The following NNT variants were observed in gnomAD, a reference collection of about 807,000 sequenced individuals.
The protein encoded by NNT is NAD(P) transhydrogenase, mitochondrial.
Under a neutral mutation model 104.8 loss-of-function variants are expected in NNT, and 50 were observed. The observed-to-expected ratio is 0.48, with a 90% confidence interval of 0.38 to 0.60. The LOEUF is 0.60. Ranked by LOEUF, NNT falls within the 20% of genes least tolerant of loss-of-function variation. The pLI, the probability that NNT is intolerant of heterozygous loss-of-function variation, is 0.00. For synonymous variants in NNT, 461 were observed against 490.4 expected (o/e 0.94, Z 0.79); for missense variants, 1,131 against 1,330.7 (o/e 0.85, Z 2.33).
intron 19 of NNT, among the ~76,000 whole-genome samples, chr5:43,678,406 C>T (rs1038516108): frequency 6.6e-6 from 1 of 152,194 alleles, no homozygotes; most frequent in African/African-American, 2.4e-5. Flanking sequence ...CTTAGTCTTA[C>T]TATTTAGATT....
rs767844990 is a variant in NNT, at chr5:43,704,403, A to G, written c.3260A>G (p.Ter1087=). ...QAKVRESYQK[*] is the part of the protein sequence containing the mutation. ...AAAGTTAGAGAATCCTATCAGAAGT[A>G]AATATTAAGGATCAAGCTGTTAGCT... The change falls in exon 22 of 22, where the codon TAA becomes TGA. Residue 1087 remains the stop codon, a stop_retained_variant. Transcript: ENST00000344920. 5.0e-6 allele frequency: 8 copies of G among 1,613,436 alleles called. No individual in the cohort carries two copies. Among genetic ancestry groups the G allele is most frequent in the Non-Finnish European group, 6.8e-6 (8 of 1,179,614 alleles).
chr5:43,657,105 G>A (rs1178851118), intron 16 of NNT, among the ~76,000 whole-genome samples: 1 of 152,162 alleles, frequency 6.6e-6, no homozygotes, highest in Non-Finnish European at 1.5e-5. Flanking sequence ...AGCTTAAAAA[G>A]GCCAAGGGTT....
At chr5:43,642,705 G>C (rs1035543072) in intron 7 of NNT, among the ~76,000 whole-genome samples, 1 of 152,198 alleles carries the variant, frequency 6.6e-6, no homozygotes, top group Non-Finnish European at 1.5e-5. Flanking sequence ...AGTCCCAGGA[G>C]CCTTAGGATT....
chr5:43,604,439 T>C (rs1167683367), intron 1 of NNT, among the ~76,000 whole-genome samples: 3 of 152,220 alleles, frequency 2.0e-5, no homozygotes, highest in African/African-American at 7.2e-5. Flanking sequence ...ACCTTGGTGA[T>C]AGAATCAGTT....
In NNT at chr5:43,653,057, T is replaced by C. The variant is rs766248282; in HGVS notation, c.1903T>C (p.Leu635=). The part of the protein sequence containing the change: ...LGSGLCCVGA[L]AGLSTQGTAR... ...CTCGGGTTTGTGCTGTGTCGGTGCC[T>C]TGGCTGGCCTCTCCACCCAGGGAAC... The change falls in exon 14 of 22, where the codon TTG becomes CTG. Residue 635 remains leucine, a synonymous_variant. Coordinates refer to ENST00000344920, the MANE Select transcript of NNT (RefSeq NM_182977.3). The C allele has an allele frequency of 1.9e-6, 3 of 1,614,136 alleles. No homozygotes were observed. The highest frequency in any genetic ancestry group is 1.7e-6 in the Non-Finnish European group (2 of 1,179,982).
At chr5:43,670,095 G>T (rs1262873996) in intron 17 of NNT, among the ~76,000 whole-genome samples, 4 of 152,062 alleles carry the variant, frequency 2.6e-5, no homozygotes, top group Admixed American at 2.6e-4. Context: ...TTCTCTGATG[G>T]TAGTTTGTAT....
At chr5:43,622,691 A>G (rs1166575243) in intron 5 of NNT, among the ~76,000 whole-genome samples, 1 of 152,254 alleles carries the variant, frequency 6.6e-6, no homozygotes. Flanking sequence ...GCAGATGATA[A>G]GCAGCTTGCC....
chr5:43,627,533 A>G (rs1370740969), intron 6 of NNT, among the ~76,000 whole-genome samples: 1 of 152,152 alleles, frequency 6.6e-6, no homozygotes, highest in Non-Finnish European at 1.5e-5. Context: ...GATGAGTTAC[A>G]TGCACGTCCA....
chr5:43,668,411 A>G (rs915184079), intron 17 of NNT, among the ~76,000 whole-genome samples: 2 of 152,062 alleles, frequency 1.3e-5, no homozygotes, highest in African/African-American at 4.8e-5. Context: ...TTATGATTTT[A>G]GGTCTAACAT....
chr5:43,619,171 G>T, intron 5 of NNT, 52 bp downstream of exon 5: 1 of 1,027,766 alleles, frequency 9.7e-7, no homozygotes, highest in South Asian at 2.2e-5. Context: ...TAAAGGAAAG[G>T]GTATGTATAG....
intron 19 of NNT, among the ~76,000 whole-genome samples, chr5:43,682,814 C>T (rs1034343686): frequency 6.6e-6 from 1 of 152,212 alleles, no homozygotes; most frequent in Non-Finnish European, 1.5e-5. Flanking sequence ...ATATACTACT[C>T]TTTCCTAAGC....
intron 17 of NNT, 97 bp from the exon 18 acceptor site, chr5:43,675,413 CT>C (rs1473970560): frequency 9.1e-7 from 1 of 1,104,630 alleles, no homozygotes; most frequent in African/African-American, 1.6e-5. Context: ...TCAAATAAAC[CT>C]TTTAAAATGA....
chr5:43,659,770 C>T (rs1231443181), intron 17 of NNT, among the ~76,000 whole-genome samples: 1 of 152,020 alleles, frequency 6.6e-6, no homozygotes, highest in Admixed American at 6.6e-5. Flanking sequence ...TTCTCTTCAG[C>T]AGACATAGCA....
At chr5:43,628,498 G>T in intron 7 of NNT, 111 bp downstream of exon 7, 1 of 737,468 alleles carries the variant, frequency 1.4e-6, no homozygotes, top group Non-Finnish European at 2.0e-6. Flanking sequence ...GAAGGATCTA[G>T]TACTTTCTAT....
Position 43,649,925 on chromosome 5 carries a change from C to G in NNT, c.1607-552C>G, listed in dbSNP as rs376690114. 3.9e-5 allele frequency among the ~76,000 whole-genome samples: 6 copies of G among 152,332 alleles called. No individual in the cohort carries two copies. In the East Asian group the frequency reaches 5.8e-4, roughly 15 times the overall value. ...ACATTGGACAAGCATAGGAGCTGTC[C>G]TGGCTTGAAAGCCTCAGGGCCAATA... On this transcript the variant is annotated intron_variant, in intron 11 of 21. Coordinates refer to ENST00000344920, the MANE Select transcript of NNT (RefSeq NM_182977.3).
At chr5:43,655,260 G>T (rs1348276062) in intron 14 of NNT, among the ~76,000 whole-genome samples, 1 of 152,238 alleles carries the variant, frequency 6.6e-6, no homozygotes, top group Non-Finnish European at 1.5e-5. Context: ...GTGACGGGAA[G>T]AGGCACGCAT....
Position 43,666,707 on chromosome 5 carries a change from C to A in NNT, c.2634+7357C>A, listed in dbSNP as rs578240639. 1,974 of 983,082 alleles carry A rather than the reference C, an allele frequency of 2.0e-3. 8 individuals carry two copies. The highest frequency in any genetic ancestry group is 2.6e-3 in the Non-Finnish European group (1,741 of 669,326). 60.9% of individuals were successfully genotyped at this position (983,082 alleles called of 1,614,324 possible). On this transcript the variant is annotated intron_variant, in intron 17 of 21. Coordinates refer to ENST00000344920, the MANE Select transcript of NNT (RefSeq NM_182977.3). The stretch of plus-strand genomic sequence containing the variant: ...ACCCCAGCCCCATGCAGATGGTAGC[C>A]CAGGGACGGGGGTGGGGGGTCGCAC...
chr5:43,613,253 A>G lies in NNT; in HGVS notation c.381+116A>G, dbSNP rs1272397786. On this transcript the variant is annotated intron_variant, in intron 3 of 21. Transcript: ENST00000344920. The stretch of plus-strand genomic sequence containing the variant: ...ACCTTTTCCTATTTTCAAACAGTGT[A>G]TTTTTCTCAAAGAAATGACTGCATG... 4 of 790,442 alleles carry G rather than the reference A, an allele frequency of 5.1e-6. No individual in the cohort carries two copies. The African/African-American group carries it at 5.2e-5, about 10-fold the overall frequency. The allele number at this position is 790,442 out of a possible 1,614,324, so 49.0% of individuals were successfully genotyped here. A position where few individuals can be genotyped will look rare whatever the true frequency, so the allele number is the denominator to read the frequency against.
chr5:43,680,040 A>T (rs1264575805), intron 19 of NNT, among the ~76,000 whole-genome samples: 1 of 151,976 alleles, frequency 6.6e-6, no homozygotes, highest in Non-Finnish European at 1.5e-5. Flanking sequence ...AATTTTCAAC[A>T]TGAACTTTGT....
Sources: gnomAD v4.1 joint callset for allele counts (sites outside exome capture counted in the v4.1 genomes callset) on GRCh38, gnomAD v4.1.1 for gene constraint, MANE v1.5 for transcripts, NCBI Gene and HGNC (gene_info 2026-07-23, HGNC 2026-07-21) for gene names.